The following FAM168A variants were observed in gnomAD, a reference collection of about 807,000 sequenced individuals.
FAM168A encodes the protein family with sequence similarity 168 member A.
In FAM168A, 3 loss-of-function variants were observed where a neutral mutation model predicts 28.5. That is an observed-to-expected ratio of 0.11 (90% CI 0.05 to 0.27). FAM168A has a LOEUF of 0.27. Among genes scored for constraint, FAM168A ranks in the 10% least tolerant of loss-of-function variants. The pLI is 1.00. For synonymous variants in FAM168A, 122 were observed against 124.2 expected (o/e 0.98, Z 0.12); for missense variants, 222 against 311.5 (o/e 0.71, Z 2.16).
At position 73,531,856 on chromosome 11, in the gene FAM168A, G is replaced by A. The variant is rs561705391; in HGVS notation, c.-18-63364C>T. ...GTCTCCCTCTGTCACCCAGGCTGGA[G>A]TGCAGTGGTGTGATCACAGCTCACT... On this transcript the variant is annotated intron_variant, in intron 1 of 7. Transcript: ENST00000356467. Among the ~76,000 whole-genome samples, 4 of 146,742 alleles carry A rather than the reference G, an allele frequency of 2.7e-5. No individual in the cohort carries two copies. In the South Asian group the frequency reaches 8.6e-4, roughly 32 times the overall value.
At chr11:73,488,424 C>G (rs987986920) in intron 1 of FAM168A, among the ~76,000 whole-genome samples, 3 of 152,176 alleles carry the variant, frequency 2.0e-5, no homozygotes, top group Admixed American at 6.5e-5. Context: ...AGCCACTGTG[C>G]CCAGCCTCAT....
intron 5 of FAM168A, chr11:73,410,813 C>T (rs1866595573): frequency 6.6e-6 from 1 of 152,358 alleles, no homozygotes; most frequent in Non-Finnish European, 1.5e-5. Context: ...TGCTAGAGCC[C>T]CATATGGTCC....
intron 1 of FAM168A, among the ~76,000 whole-genome samples, chr11:73,595,358 A>G (rs1944431175): frequency 6.6e-6 from 1 of 152,252 alleles, no homozygotes; most frequent in Admixed American, 6.5e-5. Flanking sequence ...GCTAAAAAAA[A>G]AAGATTCTAA....
intron 1 of FAM168A, among the ~76,000 whole-genome samples, chr11:73,490,713 G>C (rs1868116073): frequency 6.6e-6 from 1 of 152,002 alleles, no homozygotes; most frequent in Non-Finnish European, 1.5e-5. Flanking sequence ...ACTTTCCTTG[G>C]CTCCCTACCT....
At chr11:73,524,732 G>A (rs189361377) in intron 1 of FAM168A, among the ~76,000 whole-genome samples, 6 of 151,998 alleles carry the variant, frequency 3.9e-5, no homozygotes, top group South Asian at 2.1e-4. Flanking sequence ...CAAGTAGCTC[G>A]GATTACAAGC....
chr11:73,419,002 G>A (rs1401635587), intron 4 of FAM168A, among the ~76,000 whole-genome samples: 1 of 152,070 alleles, frequency 6.6e-6, no homozygotes, highest in Admixed American at 6.5e-5. Flanking sequence ...AGTGGAGACA[G>A]GGTTTCACCG....
chr11:73,419,835 A>G, intron 4 of FAM168A, 39 bp downstream of exon 4: 1 of 1,611,778 alleles, frequency 6.2e-7, no homozygotes, highest in Non-Finnish European at 8.5e-7. Flanking sequence ...AATCAGTCCC[A>G]ACCAAGGGGA....
At chr11:73,571,340 T>C (rs1259880051) in intron 1 of FAM168A, among the ~76,000 whole-genome samples, 2 of 145,782 alleles carry the variant, frequency 1.4e-5, no homozygotes, top group Non-Finnish European at 3.0e-5. Context: ...CACTGCAACC[T>C]CCCTGCCTGA....
At chr11:73,411,606 C>T in intron 4 of FAM168A, 70 bp from the exon 5 acceptor site, 1 of 1,510,850 alleles carries the variant, frequency 6.6e-7, no homozygotes, top group East Asian at 2.3e-5. Flanking sequence ...CAGCAGGTCC[C>T]AGTCACGACT....
chr11:73,552,652 C>G (rs1943842726), intron 1 of FAM168A, among the ~76,000 whole-genome samples: 1 of 152,044 alleles, frequency 6.6e-6, no homozygotes, highest in Admixed American at 6.6e-5. Flanking sequence ...CATCTGTTGA[C>G]CAGTTGAATA....
rs897454848 is a variant in FAM168A, at chr11:73,404,209, T to C, written c.*2554A>G. On this transcript the variant is annotated 3_prime_UTR_variant, in exon 8 of 8. Coordinates refer to ENST00000356467, the MANE Select transcript of FAM168A (RefSeq NM_015159.3). ...TCATTCCTAGGTCTCCTCTTCTTCC[T>C]TTCTCCTCTCTGTGGTTCCACCCCA... The C allele has an allele frequency of 6.6e-6, 1 of 152,268 alleles. No homozygotes were observed. Among genetic ancestry groups the C allele is most frequent in the African/African-American group, 2.4e-5 (1 of 41,464 alleles). The allele number at this position is 152,268 out of a possible 1,614,324, so 9.4% of individuals were successfully genotyped here. A position where few individuals can be genotyped will look rare whatever the true frequency, so the allele number is the denominator to read the frequency against.
chr11:73,515,622 G>A (rs969045288), intron 1 of FAM168A, among the ~76,000 whole-genome samples: 4 of 151,550 alleles, frequency 2.6e-5, no homozygotes, highest in Non-Finnish European at 4.4e-5. Context: ...ATTTCTAGGG[G>A]AGATATAAAA....
At chr11:73,414,174 A>G (rs1866662385) in intron 4 of FAM168A, among the ~76,000 whole-genome samples, 1 of 152,250 alleles carries the variant, frequency 6.6e-6, no homozygotes, top group Non-Finnish European at 1.5e-5. Flanking sequence ...ATAAACATTT[A>G]AAACAATTAA....
At chr11:73,444,606 C>G (rs1867266481) in intron 2 of FAM168A, among the ~76,000 whole-genome samples, 1 of 152,144 alleles carries the variant, frequency 6.6e-6, no homozygotes, top group African/African-American at 2.4e-5. Context: ...GAAAGTGTCC[C>G]CACATTTTTG....
At chr11:73,511,830 T>C (rs1855232029) in intron 1 of FAM168A, among the ~76,000 whole-genome samples, 1 of 152,202 alleles carries the variant, frequency 6.6e-6, no homozygotes, top group Non-Finnish European at 1.5e-5. Context: ...GAGAATCAAA[T>C]AAGATACATG....
chr11:73,521,652 G>A lies in FAM168A; in HGVS notation c.-18-53160C>T, dbSNP rs142649430. The stretch of plus-strand genomic sequence containing the variant: ...CTTCACTAAGCAAAGAAAACACAGG[G>A]AGCTTGCAGCTAATGTCTGAGAAGA... On this transcript the variant is annotated intron_variant, in intron 1 of 7. Transcript: ENST00000356467. 1.7e-3 allele frequency among the ~76,000 whole-genome samples: 264 copies of A among 152,186 alleles called. 2 individuals are homozygous for A. Among genetic ancestry groups the A allele is most frequent in the African/African-American group, 6.1e-3 (255 of 41,518 alleles).
chr11:73,556,040 AAAG>A (rs1387469531), intron 1 of FAM168A, among the ~76,000 whole-genome samples: 1 of 152,098 alleles, frequency 6.6e-6, no homozygotes, highest in Non-Finnish European at 1.5e-5. Context: ...GCCAAAGACA[AAAG>A]AACAACAAAA....
At chr11:73,570,315 TA>T (rs890149166) in intron 1 of FAM168A, among the ~76,000 whole-genome samples, 1 of 152,094 alleles carries the variant, frequency 6.6e-6, no homozygotes, top group African/African-American at 2.4e-5. Flanking sequence ...AAACCCGGCA[TA>T]AAACACAGTG....
intron 1 of FAM168A, among the ~76,000 whole-genome samples, chr11:73,535,451 T>C (rs1312076622): frequency 2.0e-5 from 3 of 149,806 alleles, no homozygotes; most frequent in Non-Finnish European, 3.0e-5. Context: ...CAGAGTCTTG[T>C]TCTGTCGCCC....
Sources: gnomAD v4.1 joint callset for allele counts (sites outside exome capture counted in the v4.1 genomes callset) on GRCh38, gnomAD v4.1.1 for gene constraint, MANE v1.5 for transcripts, NCBI Gene and HGNC (gene_info 2026-07-23, HGNC 2026-07-21) for gene names.